Variants in CDH18 observed in about 807,000 individuals in gnomAD.
CDH18 encodes cadherin-18.
In CDH18, 31 loss-of-function variants were observed where a neutral mutation model predicts 67.9. The ratio of observed to expected loss-of-function variants is 0.46; its 90% CI spans 0.34 to 0.62. CDH18 has a LOEUF of 0.62. Among genes scored for constraint, CDH18 ranks in the 20% least tolerant of loss-of-function variants. The pLI is 0.01. For synonymous variants in CDH18, 362 were observed against 347.2 expected, an observed-to-expected ratio of 1.04 and a Z score of -0.48; for missense variants, 890 against 975.5, an observed-to-expected ratio of 0.91 and a Z score of 1.17.
intron 5 of CDH18, among the ~76,000 whole-genome samples, chr5:19,660,746 T>TA (rs1478205891): frequency 1.3e-5 from 2 of 152,064 alleles, no homozygotes; most frequent in Admixed American, 6.6e-5. Flanking sequence ...TATTTATTTT[T>TA]AAAATCACTG....
rs188647988 is a variant in CDH18, at chr5:20,024,589, T to C, written c.-517-32575A>G. On this transcript the variant is annotated intron_variant, in intron 2 of 14. Coordinates refer to the CDH18 transcript ENST00000507958. ...TGTGTAAATGTATGGGCTTGTAGAA[T>C]ACATACGAGAATAAAAAAGAGAATG... 1.6e-3 allele frequency among the ~76,000 whole-genome samples: 251 copies of C among 152,202 alleles called. 2 individuals carry two copies. In the Middle Eastern group the frequency reaches 0.024, roughly 14 times the overall value.
intron 2 of CDH18, among the ~76,000 whole-genome samples, chr5:19,910,222 T>C (rs1790976631): frequency 6.6e-6 from 1 of 152,200 alleles, no homozygotes; most frequent in African/African-American, 2.4e-5. Context: ...ATATACAATA[T>C]ATTATGATAT....
intron 2 of CDH18, among the ~76,000 whole-genome samples, chr5:20,161,401 C>T (rs780541899): frequency 1.4e-4 from 22 of 152,154 alleles, no homozygotes; most frequent in Non-Finnish European, 2.8e-4. Context: ...TCTTAGTGCT[C>T]ACCATACACT....
chr5:19,475,055 C>A (rs1376867268), intron 12 of CDH18, among the ~76,000 whole-genome samples: 1 of 151,862 alleles, frequency 6.6e-6, no homozygotes, highest in East Asian at 1.9e-4. Context: ...GATAATGATG[C>A]CCATTAATAT....
At chr5:20,427,815 C>T (rs891423017) in intron 1 of CDH18, among the ~76,000 whole-genome samples, 1 of 151,058 alleles carries the variant, frequency 6.6e-6, no homozygotes, top group Non-Finnish European at 1.5e-5. Context: ...GAAAAAAAGT[C>T]TGTATGAAGA....
intron 1 of CDH18, among the ~76,000 whole-genome samples, chr5:20,557,336 C>T (rs1438118979): frequency 6.6e-6 from 1 of 151,574 alleles, no homozygotes; most frequent in African/African-American, 2.4e-5. Flanking sequence ...AAATTTATAT[C>T]AATATGGTTA....
At chr5:20,098,358 T>C (rs1746167469) in intron 2 of CDH18, among the ~76,000 whole-genome samples, 2 of 152,078 alleles carry the variant, frequency 1.3e-5, no homozygotes, top group African/African-American at 2.4e-5. Context: ...TGATTTTATA[T>C]AGACACTGTG....
intron 2 of CDH18, among the ~76,000 whole-genome samples, chr5:19,942,312 T>G (rs1257302735): frequency 6.6e-6 from 1 of 152,170 alleles, no homozygotes. Context: ...ATATGTTAAA[T>G]TAGCATCAAA....
At chr5:20,202,533 C>A (rs1280302722) in intron 2 of CDH18, among the ~76,000 whole-genome samples, 1 of 151,914 alleles carries the variant, frequency 6.6e-6, no homozygotes, top group Non-Finnish European at 1.5e-5. Flanking sequence ...AAAAATTAGT[C>A]TAAATCTCCT....
At chr5:20,316,798 TTC>T (rs1737506484) in intron 1 of CDH18, among the ~76,000 whole-genome samples, 1 of 152,062 alleles carries the variant, frequency 6.6e-6, no homozygotes, top group African/African-American at 2.4e-5. Flanking sequence ...CACATAATTT[TTC>T]TTTTTACAAA....
intron 2 of CDH18, among the ~76,000 whole-genome samples, chr5:20,185,864 T>A (rs1738057434): frequency 1.2e-5 from 1 of 85,976 alleles, no homozygotes; most frequent in African/African-American, 5.6e-5. Flanking sequence ...TAAATTTATC[T>A]ATTTTTTTTT....
At position 20,351,194 on chromosome 5, in the gene CDH18, G is replaced by A. The variant is rs561830632; in HGVS notation, c.-579-95689C>T. Among the ~76,000 whole-genome samples the A allele has an allele frequency of 9.1e-5, 10 of 109,764 alleles. No individual in the cohort carries two copies. The East Asian group carries it at 1.5e-3, about 16-fold the overall frequency. The allele number at this position is 109,764 out of a possible 152,430, so 72.0% of individuals were successfully genotyped here. On this transcript the variant is annotated intron_variant, in intron 1 of 14. Transcript: ENST00000507958. ...TGTGTGTGTGTGTGTGTGTGTGTGC[G>A]TGTGTGTTATTGCTTATTTTGTCTC...
intron 1 of CDH18, among the ~76,000 whole-genome samples, chr5:20,334,692 TCTC>T (rs1316650814): frequency 2.0e-5 from 3 of 151,000 alleles, no homozygotes; most frequent in Admixed American, 6.6e-5. Context: ...TAAAAGAAAT[TCTC>T]CTAATTCTTC....
chr5:19,964,601 T>C (rs1182822711), intron 2 of CDH18, among the ~76,000 whole-genome samples: 4 of 149,760 alleles, frequency 2.7e-5, no homozygotes, highest in Non-Finnish European at 5.9e-5. Flanking sequence ...GTGAGTGGGA[T>C]TGTGCCACTG....
intron 10 of CDH18, among the ~76,000 whole-genome samples, chr5:19,510,062 A>G (rs919961382): frequency 6.6e-6 from 1 of 152,184 alleles, no homozygotes. Context: ...TGCAGCATTC[A>G]TAATAGAAAT....
At chr5:19,625,041 GAAA>G (rs397883821) in intron 5 of CDH18, among the ~76,000 whole-genome samples, 1 of 135,624 alleles carries the variant, frequency 7.4e-6, no homozygotes. Flanking sequence ...GCAGATTAGT[GAAA>G]AAAAAAAAAA....
chr5:19,524,909 C>A (rs796347057), intron 9 of CDH18, among the ~76,000 whole-genome samples: 8 of 152,200 alleles, frequency 5.3e-5, no homozygotes, highest in African/African-American at 1.9e-4. Flanking sequence ...CCACGCCCGG[C>A]TAATTTATTG....
chr5:19,784,102 G>C (rs549178437), intron 3 of CDH18, among the ~76,000 whole-genome samples: 1 of 152,156 alleles, frequency 6.6e-6, no homozygotes, highest in South Asian at 2.1e-4. Context: ...TATGCCATGT[G>C]CAAAAAACTG....
At chr5:20,192,762 T>C (rs1738649249) in intron 2 of CDH18, among the ~76,000 whole-genome samples, 1 of 152,152 alleles carries the variant, frequency 6.6e-6, no homozygotes, top group South Asian at 2.1e-4. Flanking sequence ...AGCCTTGTAG[T>C]ATAATTTGAG....
Sources: gnomAD v4.1 joint callset for allele counts (sites outside exome capture counted in the v4.1 genomes callset) on GRCh38, gnomAD v4.1.1 for gene constraint, MANE v1.5 for transcripts, NCBI Gene and HGNC (gene_info 2026-07-23, HGNC 2026-07-21) for gene names.